Variants in CACNA1E observed in about 807,000 individuals in gnomAD.
CACNA1E encodes calcium voltage-gated channel subunit alpha1 E, also known as voltage-dependent R-type calcium channel subunit alpha-1E.
CACNA1E carries 40 observed loss-of-function variants against 259.2 expected under a neutral mutation model. The ratio of observed to expected loss-of-function variants is 0.15; its 90% confidence interval spans 0.12 to 0.20. The LOEUF (loss-of-function observed/expected upper bound fraction) is 0.20, where lower values mean the gene tolerates loss of function less well. Ranked by LOEUF, CACNA1E falls within the 10% of genes least tolerant of loss-of-function variation. The pLI, the probability that CACNA1E is intolerant of heterozygous loss-of-function variation, is 1.00. For missense variants in CACNA1E, 1,874 were observed against 3,040.1 expected (o/e 0.62, Z 9.02); for synonymous variants, 1,104 against 1,138.5 (o/e 0.97, Z 0.61).
At chr1:181,362,476 C>T (rs2101922378) in intron 1 of CACNA1E, among the ~76,000 whole-genome samples, 1 of 152,354 alleles carries the variant, frequency 6.6e-6, no homozygotes, top group South Asian at 2.1e-4. Context: ...CAGTGAGGAA[C>T]TCAGCTTCTC....
chr1:181,773,293 G>A (rs559634425), intron 37 of CACNA1E, among the ~76,000 whole-genome samples: 1 of 152,192 alleles, frequency 6.6e-6, no homozygotes, highest in Non-Finnish European at 1.5e-5. Flanking sequence ...AATGGGAGAT[G>A]TGGGCAGCCC....
chr1:181,607,014 C>T (rs2103091226), intron 6 of CACNA1E, among the ~76,000 whole-genome samples: 1 of 152,330 alleles, frequency 6.6e-6, no homozygotes, highest in Non-Finnish European at 1.5e-5. Context: ...TTGTAACACT[C>T]CAGTTGTTTT....
Position 181,485,684 on chromosome 1 carries a change from G to T in CACNA1E, c.266+1674G>T, listed in dbSNP as rs1015351912. ...CAAAGCGGACAGATCTCATTGTGTT[G>T]TGTGCTGCGGCTGCAAATATTCCTC... On this transcript the variant is annotated intron_variant, in intron 1 of 47. Transcript: ENST00000367573. This position sits in a 1 kb window ranked among gnomAD's most constrained non-coding sequence, Gnocchi z 4.2. Among the ~76,000 whole-genome samples the T allele has an allele frequency of 6.6e-6, 1 of 152,234 alleles. No individual in the cohort carries two copies. The highest frequency in any genetic ancestry group is 1.5e-5 in the Non-Finnish European group (1 of 68,042).
chr1:181,530,437 T>C (rs1240179434), intron 3 of CACNA1E, among the ~76,000 whole-genome samples: 1 of 152,242 alleles, frequency 6.6e-6, no homozygotes, highest in Non-Finnish European at 1.5e-5. Context: ...AATACTTATG[T>C]GTAGCTGACA....
chr1:181,693,128 C>CAAAAA (rs61662957), intron 7 of CACNA1E, among the ~76,000 whole-genome samples: 267 of 97,812 alleles, frequency 2.7e-3, no homozygotes, highest in Middle Eastern at 7.0e-3. Flanking sequence ...CTATCTAAAG[C>CAAAAA]AAAAAAAAAA....
At chr1:181,783,240 A>G (rs1464757831) in intron 39 of CACNA1E, among the ~76,000 whole-genome samples, 3 of 152,352 alleles carry the variant, frequency 2.0e-5, no homozygotes, top group Non-Finnish European at 4.4e-5. Context: ...CTGTATTTCC[A>G]TATGAGTTTC....
chr1:181,686,740 C>A (rs924710312), intron 7 of CACNA1E, among the ~76,000 whole-genome samples: 1 of 152,148 alleles, frequency 6.6e-6, no homozygotes, highest in African/African-American at 2.4e-5. Flanking sequence ...TTACAAGGCC[C>A]TCCTAATCCA....
At position 181,580,728 on chromosome 1, in the gene CACNA1E, T is replaced by G. The variant is rs1016463568; in HGVS notation, c.903T>G (p.Thr301=). The G allele has an allele frequency of 6.2e-7, 1 of 1,614,044 alleles. No individual in the cohort carries two copies. Residue 301 remains threonine, a synonymous_variant, in exon 6 of 48, where the codon ACT becomes ACG. Transcript: ENST00000367573. Reference sequence around the variant, plus strand: ...ATAACATCCTTTTTGCTGTGCTGACTGTCTTCCAGTGCATCACCATGGAAG... The same window carrying G: ...ATAACATCCTTTTTGCTGTGCTGACGGTCTTCCAGTGCATCACCATGGAAG... ...QFDNILFAVL[T]VFQCITMEGW...
chr1:181,569,564 TAGAG>T (rs1650196899), intron 3 of CACNA1E, among the ~76,000 whole-genome samples: 1 of 152,172 alleles, frequency 6.6e-6, no homozygotes, highest in Non-Finnish European at 1.5e-5. Context: ...TTAAAAGAAA[TAGAG>T]AGCAAAACAT....
Position 181,725,365 on chromosome 1 carries a change from C to T in CACNA1E, c.2143-700C>T, listed in dbSNP as rs188351300. On this transcript the variant is annotated intron_variant, in intron 17 of 47. Coordinates refer to ENST00000367573, the MANE Select transcript of CACNA1E (RefSeq NM_001205293.3). Reference sequence around the variant, plus strand: ...TGCTTGGACTCCTGATCTCTATTAGCATTGGTTTCTTCATGCATGAGACAG... The same window carrying T: ...TGCTTGGACTCCTGATCTCTATTAGTATTGGTTTCTTCATGCATGAGACAG... Among the ~76,000 whole-genome samples, 497 of 152,340 alleles carry T rather than the reference C, an allele frequency of 3.3e-3. 3 individuals are homozygous for T. The highest frequency in any genetic ancestry group is 0.011 in the African/African-American group (470 of 41,562).
intron 2 of CACNA1E, among the ~76,000 whole-genome samples, chr1:181,438,717 T>C (rs1660250376): frequency 6.6e-6 from 1 of 152,214 alleles, no homozygotes; most frequent in East Asian, 1.9e-4. Flanking sequence ...GATGGAAATT[T>C]GCACGCGTAC....
At chr1:181,376,551 C>CTT (rs946351744) in intron 1 of CACNA1E, among the ~76,000 whole-genome samples, 2 of 152,164 alleles carry the variant, frequency 1.3e-5, no homozygotes, top group African/African-American at 4.8e-5. Flanking sequence ...TTACATTTTC[C>CTT]TTTGTTCCCT....
chr1:181,731,037 A>G, intron 18 of CACNA1E, 138 bp from the exon 19 acceptor site: 1 of 683,904 alleles, frequency 1.5e-6, no homozygotes, highest in South Asian at 1.6e-5. Context: ...GGGAGTCTAC[A>G]GAAGGCAAGC....
intron 2 of CACNA1E, among the ~76,000 whole-genome samples, chr1:181,421,671 A>G (rs573887376): frequency 1.3e-5 from 2 of 152,196 alleles, no homozygotes; most frequent in East Asian, 1.9e-4. Context: ...CGAGCCAAAT[A>G]TTCTCATTAT....
chr1:181,371,562 G>A (rs1178097685), intron 1 of CACNA1E, among the ~76,000 whole-genome samples: 1 of 152,118 alleles, frequency 6.6e-6, no homozygotes, highest in Non-Finnish European at 1.5e-5. Flanking sequence ...ATGAACCACT[G>A]CATCTGGCCA....
intron 5 of CACNA1E, 55 bp from the exon 6 acceptor site, chr1:181,580,540 C>T: frequency 6.4e-7 from 1 of 1,550,794 alleles, no homozygotes; most frequent in African/African-American, 1.4e-5. Context: ...GGGTCATTTC[C>T]AGCTCATGCG....
chr1:181,652,597 C>T lies in CACNA1E; in HGVS notation c.1055+1156C>T, dbSNP rs544637682. On this transcript the variant is annotated intron_variant, in intron 7 of 47. Coordinates refer to ENST00000367573, the MANE Select transcript of CACNA1E (RefSeq NM_001205293.3). ...GTAAAAAAGCAAACTGATTGTTCTT[C>T]GGAGCCCTAGAAAGGCTCAGGAATT... 5.8e-4 allele frequency among the ~76,000 whole-genome samples: 88 copies of T among 152,244 alleles called. No homozygotes were observed. In the Middle Eastern group the frequency reaches 0.014, roughly 24 times the overall value.
intron 6 of CACNA1E, among the ~76,000 whole-genome samples, chr1:181,633,356 C>T (rs973255645): frequency 6.6e-5 from 10 of 152,068 alleles, no homozygotes; most frequent in African/African-American, 2.4e-4. Flanking sequence ...ATAGCTTGAG[C>T]GAGTGTTTTA....
At chr1:181,649,813 G>T (rs905636707) in intron 6 of CACNA1E, among the ~76,000 whole-genome samples, 3 of 152,126 alleles carry the variant, frequency 2.0e-5, no homozygotes, top group Non-Finnish European at 2.9e-5. Flanking sequence ...GAGAACACAT[G>T]GACATATAGA....
Sources: allele counts gnomAD v4.1 joint callset (sites outside exome capture counted in the v4.1 genomes callset), GRCh38; gene constraint gnomAD v4.1.1; non-coding constraint Gnocchi (gnomAD v3.1); transcripts MANE v1.5; gene names NCBI Gene and HGNC (gene_info 2026-07-23, HGNC 2026-07-21).